RAB7B: variants seen among roughly 807,000 people sequenced by gnomAD.
The protein encoded by RAB7B is RAB7B, member RAS oncogene family.
Position 205,978,544 on chromosome 1 carries a change from T to G in RAB7B, c.*307A>C, listed in dbSNP as rs1039827626. 4,597 of 251,276 alleles carry G rather than the reference T, an allele frequency of 0.018. 48 individuals are homozygous for G. The highest frequency in any genetic ancestry group is 0.022 in the Non-Finnish European group (2,859 of 132,462). 15.6% of individuals were successfully genotyped at this position (251,276 alleles called of 1,614,324 possible). A position where few individuals can be genotyped will look rare whatever the true frequency, so the allele number is the denominator to read the frequency against. ...ATGTGTGTTCTGGAGCGGGAGTGTT[T>G]GAGGGGTGGATGGGTGGGGAAAGCT... is the stretch of plus-strand genomic sequence containing the variant. On this transcript the variant is annotated 3_prime_UTR_variant, in exon 6 of 6. Transcript: ENST00000617070.
intron 1 of RAB7B, among the ~76,000 whole-genome samples, chr1:205,998,345 G>T (rs1660840277): frequency 6.6e-6 from 1 of 152,176 alleles, no homozygotes; most frequent in African/African-American, 2.4e-5. Flanking sequence ...GACAGAGCAA[G>T]ACTCGGTCTC....
intron 1 of RAB7B, among the ~76,000 whole-genome samples, chr1:205,998,349 C>A (rs1218466963): frequency 6.6e-6 from 1 of 152,120 alleles, no homozygotes; most frequent in Non-Finnish European, 1.5e-5. Flanking sequence ...GAGCAAGACT[C>A]GGTCTCAAAC....
At chr1:205,988,961 C>A (rs1054664371) in intron 4 of RAB7B, among the ~76,000 whole-genome samples, 1 of 152,130 alleles carries the variant, frequency 6.6e-6, no homozygotes, top group Non-Finnish European at 1.5e-5. Flanking sequence ...AATCCCAGGT[C>A]TCAGAATTAA....
chr1:205,980,350 G>A (rs1378355315), intron 5 of RAB7B, among the ~76,000 whole-genome samples: 3 of 152,218 alleles, frequency 2.0e-5, no homozygotes, highest in South Asian at 2.1e-4. Flanking sequence ...GCAAGTCATC[G>A]CTGAGCTCTT....
chr1:206,001,602 A>T (rs1411345109), intron 1 of RAB7B, among the ~76,000 whole-genome samples: 6 of 152,200 alleles, frequency 3.9e-5, no homozygotes, highest in African/African-American at 1.4e-4. Flanking sequence ...GTTAAGTAAC[A>T]GTGAAAAGCA....
At chr1:205,985,289 G>A (rs1430298892) in intron 5 of RAB7B, among the ~76,000 whole-genome samples, 1 of 152,152 alleles carries the variant, frequency 6.6e-6, no homozygotes, top group Non-Finnish European at 1.5e-5. Flanking sequence ...ACTCCACGAG[G>A]GATTTGGTTA....
chr1:205,998,199 C>T (rs1185324504), intron 1 of RAB7B, among the ~76,000 whole-genome samples: 5 of 151,952 alleles, frequency 3.3e-5, no homozygotes, highest in Non-Finnish European at 7.4e-5. Flanking sequence ...ATTAAAAATA[C>T]AAAAAAATGA....
intron 1 of RAB7B, among the ~76,000 whole-genome samples, chr1:205,998,280 C>T (rs1406091985): frequency 3.9e-5 from 6 of 152,124 alleles, no homozygotes; most frequent in Non-Finnish European, 7.4e-5. Flanking sequence ...CACTTGAACC[C>T]GGGAGGCAGA....
rs1202538476 is a variant in RAB7B at position 205,978,768 on chromosome 1, G to C, written c.*83C>G. 1 of 397,820 alleles carries C rather than the reference G, an allele frequency of 2.5e-6. No homozygotes were observed. The allele number at this position is 397,820 out of a possible 1,614,324, so 24.6% of individuals were successfully genotyped here. On this transcript the variant is annotated 3_prime_UTR_variant, in exon 6 of 6. Coordinates refer to ENST00000617070, the MANE Select transcript of RAB7B (RefSeq NM_001164522.3). ...TTGGGCAGGCAGTGGGGCTGGAGGG[G>C]GATGGTCACCTGTTCTCAAGCCTGG...
intron 5 of RAB7B, among the ~76,000 whole-genome samples, chr1:205,982,590 T>C (rs943657044): frequency 2.6e-5 from 4 of 152,222 alleles, no homozygotes; most frequent in African/African-American, 9.6e-5. Flanking sequence ...TTATCTGTAC[T>C]TTAAAGTTAG....
Position 205,982,217 on chromosome 1 carries a change from G to A in RAB7B, c.523-3289C>T, listed in dbSNP as rs1269079716. On this transcript the variant is annotated intron_variant, in intron 5 of 5. Transcript: ENST00000617070. ...GCTCCTGCTTTCTCCTTTGTTCCCCGTATTGCTTGGCTCATGGAATCACTA... is the reference window on the plus strand; with the variant it reads ...GCTCCTGCTTTCTCCTTTGTTCCCCATATTGCTTGGCTCATGGAATCACTA... 5.3e-5 allele frequency among the ~76,000 whole-genome samples: 8 copies of A among 152,218 alleles called. No homozygotes were observed. In the South Asian group the frequency reaches 6.2e-4, roughly 12 times the overall value.
chr1:205,983,937 A>T (rs1260088452), intron 5 of RAB7B: 1 of 152,250 alleles, frequency 6.6e-6, no homozygotes, highest in Non-Finnish European at 1.5e-5. Context: ...GACAGGTGCT[A>T]AGCATGCACA....
At chr1:205,979,635 T>C (rs1188558890) in intron 5 of RAB7B, among the ~76,000 whole-genome samples, 1 of 152,092 alleles carries the variant, frequency 6.6e-6, no homozygotes, top group African/African-American at 2.4e-5. Flanking sequence ...ACTTTCTTCT[T>C]CAAGGGATCC....
rs895049334 is a variant in RAB7B, at chr1:205,985,525, G to A, written c.522+15C>T. 1.1e-4 allele frequency: 44 copies of A among 398,594 alleles called. No individual in the cohort carries two copies. The highest frequency in any genetic ancestry group is 1.6e-4 in the Non-Finnish European group (36 of 226,200). 24.7% of individuals were successfully genotyped at this position (398,594 alleles called of 1,614,324 possible). A position where few individuals can be genotyped will look rare whatever the true frequency, so the allele number is the denominator to read the frequency against. The stretch of plus-strand genomic sequence containing the variant: ...AGGGGCGGTCTCAGCAGGTCCTGCC[G>A]CCACAGCCACTCACCCTCGACAGAG... On this transcript the variant is annotated intron_variant, in intron 5 of 5. Transcript: ENST00000617070.
chr1:205,983,075 G>A (rs1172557797), intron 5 of RAB7B, among the ~76,000 whole-genome samples: 3 of 152,214 alleles, frequency 2.0e-5, no homozygotes, highest in Non-Finnish European at 2.9e-5. Flanking sequence ...TCTGGAAGGC[G>A]TGGGCCTGTG....
intron 1 of RAB7B, among the ~76,000 whole-genome samples, chr1:205,999,634 A>C (rs1660859231): frequency 6.6e-6 from 1 of 152,228 alleles, no homozygotes; most frequent in African/African-American, 2.4e-5. Flanking sequence ...ATACTCATGC[A>C]TATGCTCAAA....
At chr1:205,988,331 C>T (rs1489741121) in intron 4 of RAB7B, among the ~76,000 whole-genome samples, 2 of 149,510 alleles carry the variant, frequency 1.3e-5, no homozygotes, top group East Asian at 2.0e-4. Context: ...CGTGTTCAAG[C>T]GATCCTCCCA....
chr1:205,985,871 A>G (rs1362029203), intron 4 of RAB7B, among the ~76,000 whole-genome samples: 2 of 74,058 alleles, frequency 2.7e-5, no homozygotes, highest in South Asian at 6.0e-4. Flanking sequence ...GAACCTCCCA[A>G]GTGTCTCTAA....
At chr1:205,998,281 G>A (rs1018885750) in intron 1 of RAB7B, among the ~76,000 whole-genome samples, 28 of 152,262 alleles carry the variant, frequency 1.8e-4, no homozygotes, top group Admixed American at 4.6e-4. Context: ...ACTTGAACCC[G>A]GGAGGCAGAG....
Sources: allele counts gnomAD v4.1 joint callset (sites outside exome capture counted in the v4.1 genomes callset), GRCh38; gene constraint gnomAD v4.1.1; transcripts MANE v1.5; gene names NCBI Gene and HGNC (gene_info 2026-07-23, HGNC 2026-07-21).